BAIAP2L1: variants seen among roughly 807,000 people sequenced by gnomAD.
The protein encoded by BAIAP2L1 is BAR/IMD domain containing adaptor protein 2 like 1.
BAIAP2L1 carries 35 observed loss-of-function variants against 66.3 expected under a neutral mutation model. That is an observed-to-expected ratio of 0.53 (90% CI 0.40 to 0.70). BAIAP2L1 has a LOEUF of 0.70. BAIAP2L1 is among the 30% of genes least tolerant of loss of function. The pLI, the probability that BAIAP2L1 is intolerant of heterozygous loss-of-function variation, is 0.00. For synonymous variants in BAIAP2L1, 269 were observed against 248.7 expected (o/e 1.08, Z -0.77); for missense variants, 622 against 656.9 (o/e 0.95, Z 0.58).
At chr7:98,387,019 A>G (rs2115827054) in intron 1 of BAIAP2L1, among the ~76,000 whole-genome samples, 1 of 152,136 alleles carries the variant, frequency 6.6e-6, no homozygotes, top group East Asian at 1.9e-4. Context: ...TTCCTTAAAG[A>G]CTGTACATCG....
chr7:98,351,354 C>T (rs1221430484), intron 3 of BAIAP2L1, among the ~76,000 whole-genome samples: 3 of 152,128 alleles, frequency 2.0e-5, no homozygotes, highest in Admixed American at 6.6e-5. Context: ...CCAGAGATGC[C>T]GACGTGGGGG....
At chr7:98,369,414 C>T (rs918158635) in intron 1 of BAIAP2L1, among the ~76,000 whole-genome samples, 6 of 152,110 alleles carry the variant, frequency 3.9e-5, no homozygotes, top group Non-Finnish European at 7.4e-5. Flanking sequence ...ACTCAAGAGA[C>T]GGAGGTAGCA....
At chr7:98,369,601 T>G (rs766473258) in intron 1 of BAIAP2L1, among the ~76,000 whole-genome samples, 8 of 151,922 alleles carry the variant, frequency 5.3e-5, no homozygotes, top group Non-Finnish European at 1.0e-4. Flanking sequence ...CCCAGATCTG[T>G]TCTTTCCTGC....
At chr7:98,341,096 C>T (rs1276091604) in intron 3 of BAIAP2L1, among the ~76,000 whole-genome samples, 3 of 151,916 alleles carry the variant, frequency 2.0e-5, no homozygotes, top group Admixed American at 1.3e-4. Flanking sequence ...GAAAAGCCAC[C>T]TTCAAGGTCT....
chr7:98,364,803 A>C (rs753342789), intron 1 of BAIAP2L1, among the ~76,000 whole-genome samples: 37 of 151,264 alleles, frequency 2.4e-4, no homozygotes, highest in African/African-American at 6.8e-4. Context: ...TGGACAACAT[A>C]TCGAGACTCC....
chr7:98,334,236 C>T (rs1489723117), intron 3 of BAIAP2L1, among the ~76,000 whole-genome samples: 5 of 152,104 alleles, frequency 3.3e-5, no homozygotes, highest in African/African-American at 1.2e-4. Context: ...ACTAACAGCC[C>T]TGCCTTCGAG....
intron 1 of BAIAP2L1, chr7:98,386,176 A>T: frequency 6.3e-7 from 1 of 1,575,056 alleles, no homozygotes; most frequent in African/African-American, 1.3e-5. Context: ...ACCAACACAG[A>T]ACAGACGAAG....
chr7:98,318,570 C>T (rs554040508), intron 5 of BAIAP2L1, among the ~76,000 whole-genome samples: 3 of 151,928 alleles, frequency 2.0e-5, no homozygotes, highest in Admixed American at 6.6e-5. Context: ...TGAGCCACCA[C>T]GCCCAGTGAA....
At chr7:98,358,384 G>A (rs1468341) in intron 2 of BAIAP2L1, among the ~76,000 whole-genome samples, 56,542 of 150,674 alleles carry the variant, frequency 0.38, 12,156 homozygotes, top group Middle Eastern at 0.55. Context: ...AAGAGTCAGC[G>A]TCTCACTCTG....
intron 1 of BAIAP2L1, among the ~76,000 whole-genome samples, chr7:98,370,350 G>A (rs531187905): frequency 1.6e-5 from 2 of 122,482 alleles, no homozygotes; most frequent in Admixed American, 1.1e-4. Context: ...CTCCAGCCTG[G>A]CAACAGAGTA....
chr7:98,292,020 A>T lies in BAIAP2L1; in HGVS notation c.*1501T>A, dbSNP rs555532272. The T allele has an allele frequency of 6.5e-6, 1 of 153,204 alleles. No homozygotes were observed. The highest frequency in any genetic ancestry group is 1.5e-5 in the Non-Finnish European group (1 of 68,782). The allele number at this position is 153,204 out of a possible 1,614,324, so 9.5% of individuals were successfully genotyped here. The stretch of plus-strand genomic sequence containing the variant: ...TTCTGTAGTACAGACTGGGGTTGTT[A>T]ACATAGTTCATGGTGCCTGCAGCCC... On this transcript the variant is annotated 3_prime_UTR_variant, in exon 14 of 14. Coordinates refer to ENST00000005260, the MANE Select transcript of BAIAP2L1 (RefSeq NM_018842.5).
At chr7:98,319,429 G>A (rs1335875292) in intron 5 of BAIAP2L1, among the ~76,000 whole-genome samples, 1 of 152,186 alleles carries the variant, frequency 6.6e-6, no homozygotes, top group Non-Finnish European at 1.5e-5. Context: ...GGCTTAGGAA[G>A]TGTTATGTCT....
At chr7:98,312,615 A>G (rs1800913192) in intron 7 of BAIAP2L1, among the ~76,000 whole-genome samples, 1 of 152,206 alleles carries the variant, frequency 6.6e-6, no homozygotes, top group African/African-American at 2.4e-5. Flanking sequence ...CAGAAACGCC[A>G]ACCATCACTT....
At chr7:98,344,595 G>A (rs1801828522) in intron 3 of BAIAP2L1, among the ~76,000 whole-genome samples, 1 of 152,142 alleles carries the variant, frequency 6.6e-6, no homozygotes, top group African/African-American at 2.4e-5. Context: ...CTAAATTTTA[G>A]ATACTAACTT....
chr7:98,383,005 T>C (rs1245037158), intron 1 of BAIAP2L1, among the ~76,000 whole-genome samples: 1 of 151,786 alleles, frequency 6.6e-6, no homozygotes, highest in Non-Finnish European at 1.5e-5. Context: ...CTACTAAAAA[T>C]ACAAAAAATT....
rs367737661 is a variant in BAIAP2L1, at chr7:98,377,713, G to A, written c.52-15281C>T. On this transcript the variant is annotated intron_variant, in intron 1 of 13. Transcript: ENST00000005260. Reference sequence around the variant, plus strand: ...CGCGCCTGTAATCCCAGCTACTCAGGAGGCTGAGGCAGGAGAATCACTTAA... The same window carrying A: ...CGCGCCTGTAATCCCAGCTACTCAGAAGGCTGAGGCAGGAGAATCACTTAA... Among the ~76,000 whole-genome samples, 174 of 150,316 alleles carry A rather than the reference G, an allele frequency of 1.2e-3. 1 individual carries two copies. Among genetic ancestry groups the A allele is most frequent in the African/African-American group, 3.9e-3 (161 of 40,930 alleles).
intron 12 of BAIAP2L1, among the ~76,000 whole-genome samples, chr7:98,296,623 GTAAAAAAC>G (rs1562962519): frequency 6.6e-6 from 1 of 152,060 alleles, no homozygotes; most frequent in East Asian, 1.9e-4. Flanking sequence ...GACTCCATCT[GTAAAAAAC>G]AAAAAAACAA....
At chr7:98,372,497 C>T (rs1237648696) in intron 1 of BAIAP2L1, among the ~76,000 whole-genome samples, 1 of 152,038 alleles carries the variant, frequency 6.6e-6, no homozygotes, top group Non-Finnish European at 1.5e-5. Flanking sequence ...AAAAGTGTAA[C>T]ATTTATGATA....
At chr7:98,351,688 C>CT (rs1802004707) in intron 3 of BAIAP2L1, among the ~76,000 whole-genome samples, 1 of 152,180 alleles carries the variant, frequency 6.6e-6, no homozygotes, top group Non-Finnish European at 1.5e-5. Context: ...TGATGATAAA[C>CT]TGACAACCTG....
Sources: gnomAD v4.1 joint callset for allele counts (sites outside exome capture counted in the v4.1 genomes callset) on GRCh38, gnomAD v4.1.1 for gene constraint, MANE v1.5 for transcripts, NCBI Gene and HGNC (gene_info 2026-07-23, HGNC 2026-07-21) for gene names.